The following LRP1B variants were observed in gnomAD, a reference collection of about 807,000 sequenced individuals.
LRP1B encodes LDL receptor related protein 1B, also known as low-density lipoprotein receptor-related protein 1B.
Under a neutral mutation model 556.6 loss-of-function variants are expected in LRP1B, and 217 were observed. The ratio of observed to expected loss-of-function variants is 0.39; its 90% CI spans 0.35 to 0.44. The LOEUF (loss-of-function observed/expected upper bound fraction) is 0.44, where lower values mean the gene tolerates loss of function less well. Among genes scored for constraint, LRP1B ranks in the 20% least tolerant of loss-of-function variants. The pLI is 1.00. For synonymous variants in LRP1B, 2,047 were observed against 1,865.8 expected, an observed-to-expected ratio of 1.10 and a Z score of -2.50; for missense variants, 5,053 against 5,620.8, an observed-to-expected ratio of 0.90 and a Z score of 3.23.
intron 3 of LRP1B, among the ~76,000 whole-genome samples, chr2:141,397,901 T>C (rs1690301769): frequency 6.7e-6 from 1 of 148,156 alleles, no homozygotes. Flanking sequence ...TCTCTATATA[T>C]ACACACACAT....
Position 140,453,433 on chromosome 2 carries a change from T to C in LRP1B, c.9964-2772A>G, listed in dbSNP as rs75860272. Among the ~76,000 whole-genome samples, 1,002 of 152,094 alleles carry C rather than the reference T, an allele frequency of 6.6e-3. 8 individuals are homozygous for C. The highest frequency in any genetic ancestry group is 0.011 in the Non-Finnish European group (758 of 67,916). On this transcript the variant is annotated intron_variant, in intron 62 of 90. Coordinates refer to ENST00000389484, the MANE Select transcript of LRP1B (RefSeq NM_018557.3). Reference sequence around the variant, plus strand: ...ACTTAAAAAAGATTAATGCTAAATATAAATATAAAATAGTCTTCATCATAA... The same window carrying C: ...ACTTAAAAAAGATTAATGCTAAATACAAATATAAAATAGTCTTCATCATAA...
In LRP1B at chr2:141,857,502, T is replaced by TA. The variant is rs147374005; in HGVS notation, c.83-47102dup. Among the ~76,000 whole-genome samples, 33 of 150,264 alleles carry TA rather than the reference T, an allele frequency of 2.2e-4. No individual in the cohort carries two copies. In the East Asian group the frequency reaches 2.8e-3, roughly 13 times the overall value. ...ACTATAGGTGTATGCCCAGCTAAAT[T>TA]AAAAAAAAAATTTTTGTAGACATGG... On this transcript the variant is annotated intron_variant, in intron 1 of 90. Coordinates refer to ENST00000389484, the MANE Select transcript of LRP1B (RefSeq NM_018557.3).
At chr2:141,544,325 C>CTTCTTCTTCTTCTTCTTCTTCTTCTT (rs1685417904) in intron 2 of LRP1B, among the ~76,000 whole-genome samples, 23 of 55,602 alleles carry the variant, frequency 4.1e-4, no homozygotes, top group East Asian at 2.7e-3. Flanking sequence ...TCTTCTTCTT[C>CTTCTTCTTCTTCTTCTTCTTCTTCTT]TTCTTCTTCT....
intron 32 of LRP1B, among the ~76,000 whole-genome samples, chr2:140,788,457 C>CA (rs1017222772): frequency 1.3e-5 from 2 of 151,752 alleles, no homozygotes; most frequent in African/African-American, 4.8e-5. Flanking sequence ...CTGTTGGTGG[C>CA]AAAAAAATAA....
At chr2:141,000,358 A>G (rs1228089304) in intron 15 of LRP1B, among the ~76,000 whole-genome samples, 2 of 152,128 alleles carry the variant, frequency 1.3e-5, no homozygotes, top group Non-Finnish European at 2.9e-5. Context: ...CGATGTAACT[A>G]TGAGGTGTAA....
At position 141,741,263 on chromosome 2, in the gene LRP1B, CTTTTTTTT is replaced by C. The variant is rs11326947; in HGVS notation, c.205+69008_205+69015del. 1.9e-3 allele frequency among the ~76,000 whole-genome samples: 111 copies of C among 57,978 alleles called. 1 individual carries two copies. Among genetic ancestry groups the C allele is most frequent in the Middle Eastern group, 0.015 (1 of 66 alleles). 38.0% of individuals were successfully genotyped at this position (57,978 alleles called of 152,430 possible). A position where few individuals can be genotyped will look rare whatever the true frequency, so the allele number is the denominator to read the frequency against. On this transcript the variant is annotated intron_variant, in intron 2 of 90. Coordinates refer to ENST00000389484, the MANE Select transcript of LRP1B (RefSeq NM_018557.3). ...GTTATCTCTTCAGTATACTGATTTC[CTTTTTTTT>C]TTTTTTTTTTTTTTTTTTTTTTAGT...
In LRP1B at chr2:141,081,493, T is replaced by A. The variant is rs138236127; in HGVS notation, c.1014-19220A>T. On this transcript the variant is annotated intron_variant, in intron 7 of 90. Transcript: ENST00000389484. ...TTCGTGTTTCATAGGGTGCTCTTTC[T>A]TGCAAGACTTTCTAAGTAACAGTTG... Among the ~76,000 whole-genome samples, 251 of 152,328 alleles carry A rather than the reference T, an allele frequency of 1.6e-3. 1 individual carries two copies. The highest frequency in any genetic ancestry group is 5.7e-3 in the African/African-American group (239 of 41,582).
intron 45 of LRP1B, 52 bp from the exon 46 acceptor site, chr2:140,536,761 T>C (rs941278271): frequency 3.7e-6 from 5 of 1,359,698 alleles, no homozygotes; most frequent in Non-Finnish European, 5.1e-6. Context: ...CAAATATTTT[T>C]TGACACCACT....
intron 2 of LRP1B, among the ~76,000 whole-genome samples, chr2:141,677,779 G>A (rs1241760262): frequency 6.6e-6 from 1 of 152,172 alleles, no homozygotes; most frequent in Admixed American, 6.5e-5. Context: ...ATGAGCCACT[G>A]CACCTAGCCA....
rs576832356 is a variant in LRP1B, at chr2:140,362,804, A to G, written c.11131+1857T>C. On this transcript the variant is annotated intron_variant, in intron 72 of 90. Coordinates refer to ENST00000389484, the MANE Select transcript of LRP1B (RefSeq NM_018557.3). ...GTTCCATACTTTTACAAATTACTAT[A>G]CTTTATAGTATGTATCACAGTTTGT... Among the ~76,000 whole-genome samples the G allele has an allele frequency of 2.6e-5, 4 of 151,778 alleles. No homozygotes were observed. The East Asian group carries it at 7.8e-4, about 29-fold the overall frequency.
chr2:141,059,912 T>A (rs534506110), intron 8 of LRP1B, among the ~76,000 whole-genome samples: 720 of 151,948 alleles, frequency 4.7e-3, no homozygotes, highest in Non-Finnish European at 7.9e-3. Flanking sequence ...AATGGTTCTG[T>A]TCCAGGGTAA....
intron 3 of LRP1B, among the ~76,000 whole-genome samples, chr2:141,406,351 A>T (rs1690632535): frequency 6.6e-6 from 1 of 152,098 alleles, no homozygotes; most frequent in African/African-American, 2.4e-5. Context: ...TCTGAGAATG[A>T]AAGAAGGTTC....
intron 62 of LRP1B, among the ~76,000 whole-genome samples, chr2:140,452,303 T>C (rs191136081): frequency 3.3e-5 from 5 of 152,214 alleles, no homozygotes; most frequent in African/African-American, 1.2e-4. Context: ...ACCATTCAGA[T>C]AGAAGAAACT....
At chr2:141,340,362 C>T (rs531208760) in intron 3 of LRP1B, among the ~76,000 whole-genome samples, 2 of 152,296 alleles carry the variant, frequency 1.3e-5, no homozygotes, top group Non-Finnish European at 2.9e-5. Context: ...TCTCAGCATA[C>T]AATTTCCTTG....
chr2:141,322,469 G>A (rs1014806195), intron 3 of LRP1B, among the ~76,000 whole-genome samples: 2 of 151,962 alleles, frequency 1.3e-5, no homozygotes, highest in South Asian at 2.1e-4. Context: ...TCGAATTGTT[G>A]AGGGAAAAAC....
intron 7 of LRP1B, among the ~76,000 whole-genome samples, chr2:141,126,588 G>A (rs1701218617): frequency 6.6e-6 from 1 of 151,794 alleles, no homozygotes; most frequent in Non-Finnish European, 1.5e-5. Flanking sequence ...AACTTTTTCT[G>A]CTTCATTCTT....
At position 141,421,664 on chromosome 2, in the gene LRP1B, T is replaced by C. The variant is rs183973231; in HGVS notation, c.343+58732A>G. On this transcript the variant is annotated intron_variant, in intron 3 of 90. Transcript: ENST00000389484. ...AATACAGAACAGACATATCTTACTA[T>C]TAGAATCTTTCAAACTTTATCTCAT... Among the ~76,000 whole-genome samples the C allele has an allele frequency of 4.9e-4, 75 of 152,318 alleles. 1 individual carries two copies. In the East Asian group the frequency reaches 0.013, roughly 27 times the overall value.
At chr2:140,537,013 T>C (rs1679933468) in intron 45 of LRP1B, among the ~76,000 whole-genome samples, 2 of 150,040 alleles carry the variant, frequency 1.3e-5, no homozygotes, top group South Asian at 2.1e-4. Flanking sequence ...CTACTAAAAA[T>C]ACAAAAAATT....
At chr2:140,561,591 C>T (rs533278891) in intron 43 of LRP1B, among the ~76,000 whole-genome samples, 80 of 152,122 alleles carry the variant, frequency 5.3e-4, no homozygotes, top group African/African-American at 1.9e-3. Context: ...AGGTATCATG[C>T]CTTTTCAGCC....
Sources: gnomAD v4.1 joint callset for allele counts (sites outside exome capture counted in the v4.1 genomes callset) on GRCh38, gnomAD v4.1.1 for gene constraint, MANE v1.5 for transcripts, NCBI Gene and HGNC (gene_info 2026-07-23, HGNC 2026-07-21) for gene names.